MAGI2: variants seen among roughly 807,000 people sequenced by gnomAD.
MAGI2 encodes the protein membrane-associated guanylate kinase, WW and PDZ domain-containing protein 2.
In MAGI2, 35 loss-of-function variants were observed where a neutral mutation model predicts 133.3. The ratio of observed to expected loss-of-function variants is 0.26; its 90% CI spans 0.20 to 0.35. MAGI2 has a LOEUF of 0.35. Ranked by LOEUF, MAGI2 falls within the 10% of genes least tolerant of loss-of-function variation. The probability of loss-of-function intolerance (pLI) is 1.00; values close to 1 mark genes in which losing one functional copy is unlikely to be tolerated. For synonymous variants in MAGI2, 729 were observed against 710.6 expected (o/e 1.03, Z -0.41); for missense variants, 1,636 against 1,863.4 (o/e 0.88, Z 2.25).
At chr7:78,195,961 C>T (rs1828691131) in intron 11 of MAGI2, among the ~76,000 whole-genome samples, 1 of 152,136 alleles carries the variant, frequency 6.6e-6, no homozygotes, top group African/African-American at 2.4e-5. Context: ...AGTTTGCCCT[C>T]CTGCTGAAAC....
intron 6 of MAGI2, among the ~76,000 whole-genome samples, chr7:78,418,679 C>G (rs546084169): frequency 5.3e-5 from 8 of 152,086 alleles, no homozygotes; most frequent in Admixed American, 5.2e-4. Context: ...CTATGAAAAC[C>G]AATCTCCTTC....
chr7:78,881,822 C>T (rs1353780283), intron 2 of MAGI2, among the ~76,000 whole-genome samples: 1 of 150,852 alleles, frequency 6.6e-6, no homozygotes, highest in Non-Finnish European at 1.5e-5. Context: ...AGTTTATAGC[C>T]CTAAAGCCTA....
intron 1 of MAGI2, among the ~76,000 whole-genome samples, chr7:79,383,216 G>A (rs58310347): frequency 0.19 from 28,424 of 151,362 alleles, 3,112 homozygotes; most frequent in African/African-American, 0.3. Flanking sequence ...ATGGGATTGG[G>A]AAGTTGTTTG....
intron 2 of MAGI2, among the ~76,000 whole-genome samples, chr7:78,870,533 A>G (rs1794949426): frequency 6.6e-6 from 1 of 152,162 alleles, no homozygotes; most frequent in African/African-American, 2.4e-5. Context: ...GCCATGATTA[A>G]AACATCAAAA....
At chr7:79,001,213 C>A (rs979373084) in intron 2 of MAGI2, among the ~76,000 whole-genome samples, 9 of 152,174 alleles carry the variant, frequency 5.9e-5, no homozygotes, top group Admixed American at 3.3e-4. Flanking sequence ...CCATGCCCGG[C>A]CACTTTATTC....
chr7:78,656,347 T>C (rs943904973), intron 2 of MAGI2, among the ~76,000 whole-genome samples: 2 of 152,200 alleles, frequency 1.3e-5, no homozygotes, highest in African/African-American at 4.8e-5. Context: ...TACAATGAAA[T>C]GTTATTCATC....
At chr7:78,094,909 G>A (rs3779306) in intron 20 of MAGI2, among the ~76,000 whole-genome samples, 6,096 of 152,238 alleles carry the variant, frequency 0.04, 141 homozygotes, top group East Asian at 0.067. Context: ...AGTGGAGAAA[G>A]GGCCTTATTC....
At chr7:79,126,229 T>A (rs1820396135) in intron 1 of MAGI2, among the ~76,000 whole-genome samples, 1 of 152,216 alleles carries the variant, frequency 6.6e-6, no homozygotes, top group South Asian at 2.1e-4. Flanking sequence ...TCCACACTTG[T>A]AGTAGGCAGA....
chr7:79,205,266 T>C (rs1349733380), intron 1 of MAGI2, among the ~76,000 whole-genome samples: 1 of 151,876 alleles, frequency 6.6e-6, no homozygotes, highest in African/African-American at 2.4e-5. Flanking sequence ...AGAGTCCCAA[T>C]AGAGACAGCA....
intron 20 of MAGI2, among the ~76,000 whole-genome samples, chr7:78,114,274 T>C (rs538490358): frequency 1.3e-5 from 2 of 152,286 alleles, no homozygotes; most frequent in Non-Finnish European, 2.9e-5. Context: ...GTATCTTAGG[T>C]GATTGAAATA....
At chr7:79,043,782 A>G (rs1054453612) in intron 1 of MAGI2, among the ~76,000 whole-genome samples, 1 of 152,094 alleles carries the variant, frequency 6.6e-6, no homozygotes, top group Non-Finnish European at 1.5e-5. Flanking sequence ...CTATGCACAC[A>G]ACTAGAAAAT....
At chr7:79,017,915 TC>T (rs1808899717) in intron 1 of MAGI2, among the ~76,000 whole-genome samples, 2 of 152,158 alleles carry the variant, frequency 1.3e-5, no homozygotes, top group South Asian at 4.2e-4. Flanking sequence ...AAATAAAGCC[TC>T]TGAGAAAGAT....
At chr7:78,136,888 G>A (rs999639070) in intron 16 of MAGI2, among the ~76,000 whole-genome samples, 3 of 152,182 alleles carry the variant, frequency 2.0e-5, no homozygotes, top group African/African-American at 7.2e-5. Flanking sequence ...TATTGTGAAA[G>A]GTTATAGATA....
chr7:78,780,926 C>T (rs1583862083), intron 2 of MAGI2, among the ~76,000 whole-genome samples: 1 of 152,162 alleles, frequency 6.6e-6, no homozygotes, highest in Admixed American at 6.5e-5. Context: ...GCATAATTTA[C>T]ATTACTTGCA....
chr7:78,193,615 T>C (rs891929523), intron 12 of MAGI2, among the ~76,000 whole-genome samples: 2 of 152,192 alleles, frequency 1.3e-5, no homozygotes, highest in Non-Finnish European at 2.9e-5. Flanking sequence ...CTCTATATTA[T>C]GTAGCTAAGA....
intron 5 of MAGI2, among the ~76,000 whole-genome samples, chr7:78,492,685 A>C (rs1793732844): frequency 6.6e-6 from 1 of 152,166 alleles, no homozygotes; most frequent in South Asian, 2.1e-4. Context: ...ATTTCCTTTC[A>C]GTTCCTAGCT....
At chr7:79,223,974 A>T (rs755249222) in intron 1 of MAGI2, among the ~76,000 whole-genome samples, 1 of 152,048 alleles carries the variant, frequency 6.6e-6, no homozygotes, top group Non-Finnish European at 1.5e-5. Context: ...CTAAACCATG[A>T]TCATTGGGAG....
At chr7:78,947,533 G>A (rs1036528796) in intron 2 of MAGI2, among the ~76,000 whole-genome samples, 2 of 152,114 alleles carry the variant, frequency 1.3e-5, no homozygotes, top group African/African-American at 4.8e-5. Context: ...TACATATTCA[G>A]TATAACATGG....
intron 3 of MAGI2, among the ~76,000 whole-genome samples, chr7:78,569,433 C>G (rs113143965): frequency 2.0e-5 from 3 of 152,128 alleles, no homozygotes; most frequent in Non-Finnish European, 1.5e-5. Context: ...GCTAAACACC[C>G]CACACTAATG....
Sources: gnomAD v4.1 joint callset for allele counts (sites outside exome capture counted in the v4.1 genomes callset) on GRCh38, gnomAD v4.1.1 for gene constraint, MANE v1.5 for transcripts, NCBI Gene and HGNC (gene_info 2026-07-23, HGNC 2026-07-21) for gene names.